GRAMD1B: variants seen among roughly 807,000 people sequenced by gnomAD.
GRAMD1B encodes the protein GRAM domain containing 1B.
GRAMD1B carries 37 observed loss-of-function variants against 99.7 expected under a neutral mutation model. The observed-to-expected ratio is 0.37, with a 90% CI of 0.29 to 0.49. GRAMD1B has a LOEUF of 0.49. Among genes scored for constraint, GRAMD1B ranks in the 20% least tolerant of loss-of-function variants. GRAMD1B has a pLI of 0.98. For synonymous variants in GRAMD1B, 427 were observed against 387.6 expected (o/e 1.10, Z -1.19); for missense variants, 888 against 1,009.2 (o/e 0.88, Z 1.63).
At chr11:123,484,179 G>A (rs1015403097) in intron 2 of GRAMD1B, among the ~76,000 whole-genome samples, 5 of 152,110 alleles carry the variant, frequency 3.3e-5, no homozygotes, top group Non-Finnish European at 7.4e-5. Context: ...TATACTGTCC[G>A]TTTCTGAGCG....
chr11:123,405,588 T>A (rs757157922), intron 1 of GRAMD1B, among the ~76,000 whole-genome samples: 43 of 152,152 alleles, frequency 2.8e-4, no homozygotes, highest in Non-Finnish European at 5.6e-4. Flanking sequence ...TTGCTTGGAC[T>A]GGACTCTTGC....
intron 1 of GRAMD1B, among the ~76,000 whole-genome samples, chr11:123,469,479 G>A (rs1008370145): frequency 2.0e-5 from 3 of 152,056 alleles, no homozygotes; most frequent in Non-Finnish European, 2.9e-5. Flanking sequence ...AAGAAGTAAG[G>A]TCTGTAGGAC....
In GRAMD1B at chr11:123,510,193, G is replaced by T. The variant is rs541151157; in HGVS notation, c.452+29300G>T. 6.6e-6 allele frequency among the ~76,000 whole-genome samples: 1 copy of T among 152,104 alleles called. No homozygotes were observed. The highest frequency in any genetic ancestry group is 1.5e-5 in the Non-Finnish European group (1 of 68,016). On this transcript the variant is annotated intron_variant, in intron 2 of 19. Transcript: ENST00000635736. This position sits in a 1 kb window ranked among gnomAD's most constrained non-coding sequence, Gnocchi z 4.3. ...TTGAGGTTCTCACACCCGCCTGCCC[G>T]CCACCAGCTGCTGACCTTCTCCCTT...
At chr11:123,506,382 A>G (rs76479652) in intron 2 of GRAMD1B, among the ~76,000 whole-genome samples, 2,138 of 152,104 alleles carry the variant, frequency 0.014, 42 homozygotes, top group African/African-American at 0.049. Context: ...GCCTCTTTTC[A>G]AAAGCATGTT....
upstream of GRAMD1B, among the ~76,000 whole-genome samples, chr11:123,426,763 C>T (rs1333407679): frequency 2.0e-5 from 3 of 152,192 alleles, no homozygotes; most frequent in Non-Finnish European, 1.5e-5. Context: ...GTGCCAGCGC[C>T]TTCCAGTTCA....
At chr11:123,607,625 C>CG (rs1324375191) in intron 11 of GRAMD1B, among the ~76,000 whole-genome samples, 1 of 152,220 alleles carries the variant, frequency 6.6e-6, no homozygotes, top group East Asian at 1.9e-4. Context: ...TTCACATAAA[C>CG]TAAGGTGTGA....
At chr11:123,415,188 C>T (rs1181635657) in intron 1 of GRAMD1B, among the ~76,000 whole-genome samples, 6 of 148,054 alleles carry the variant, frequency 4.1e-5, no homozygotes, top group African/African-American at 1.3e-4. Context: ...CTGCAACCTC[C>T]GCCAACCAGG....
chr11:123,546,623 G>A (rs1209145929), intron 2 of GRAMD1B, among the ~76,000 whole-genome samples: 1 of 152,172 alleles, frequency 6.6e-6, no homozygotes, highest in Non-Finnish European at 1.5e-5. Context: ...GGCTGGAAAA[G>A]GGCCATTGGT....
intron 2 of GRAMD1B, chr11:123,560,561 TCCCCGCCCCCGCC>T: frequency 3.8e-6 from 3 of 794,286 alleles, no homozygotes; most frequent in Non-Finnish European, 5.5e-6. Context: ...GGGCCCCCGC[TCCCCGCCCCCGCC>T]CCCCACTGCC....
chr11:123,609,845 G>A lies in GRAMD1B; in HGVS notation c.1708G>A (p.Val570Met). 1 of 1,605,330 alleles carries A rather than the reference G, an allele frequency of 6.2e-7. No individual in the cohort carries two copies. The highest frequency in any genetic ancestry group is 2.2e-5 in the East Asian group (1 of 44,656). The change falls in exon 13 of 20, where the codon GTG (valine) becomes ATG (methionine). Residue 570 changes from valine (V) to methionine (M), a missense_variant. Coordinates refer to ENST00000635736, the MANE Select transcript of GRAMD1B (RefSeq NM_001387025.1). ...GGAGGAGAATGGAAACCAGAGCCGA[G>A]TGATTCTTTACACCATCACCCTTAC... ...KKEENGNQSR[V>M]ILYTITLTNP...
At chr11:123,428,231 G>A (rs1176305907), upstream of GRAMD1B, among the ~76,000 whole-genome samples, 1 of 152,154 alleles carries the variant, frequency 6.6e-6, no homozygotes, top group Non-Finnish European at 1.5e-5. Context: ...ACTCGTCCTT[G>A]GAGGAAGTAC....
chr11:123,484,732 G>A (rs1951793129), intron 2 of GRAMD1B, among the ~76,000 whole-genome samples: 3 of 151,998 alleles, frequency 2.0e-5, no homozygotes, highest in Admixed American at 6.6e-5. Flanking sequence ...TAGCCCTTCC[G>A]AAGAAAGTCT....
intron 1 of GRAMD1B, among the ~76,000 whole-genome samples, chr11:123,414,923 T>G (rs1347359393): frequency 6.6e-6 from 1 of 152,108 alleles, no homozygotes; most frequent in Non-Finnish European, 1.5e-5. Context: ...ACATTGACTC[T>G]CTTTCAGAAG....
intron 1 of GRAMD1B, among the ~76,000 whole-genome samples, chr11:123,377,880 C>T (rs1407073629): frequency 1.3e-5 from 2 of 152,352 alleles, no homozygotes; most frequent in East Asian, 3.9e-4. Flanking sequence ...CCATGCGCTT[C>T]CAGCTGAAAA....
chr11:123,392,291 T>C (rs2135861631), intron 1 of GRAMD1B, among the ~76,000 whole-genome samples: 1 of 151,898 alleles, frequency 6.6e-6, no homozygotes, highest in South Asian at 2.1e-4. Context: ...TCCAGGTTTT[T>C]CTCCTATTTC....
intron 2 of GRAMD1B, among the ~76,000 whole-genome samples, chr11:123,574,861 G>C (rs1360491066): frequency 6.6e-6 from 1 of 152,178 alleles, no homozygotes; most frequent in East Asian, 1.9e-4. Flanking sequence ...CTCACCTTTA[G>C]GGAAGGATTA....
intron 1 of GRAMD1B, among the ~76,000 whole-genome samples, chr11:123,379,760 A>G (rs530588519): frequency 6.6e-6 from 1 of 152,312 alleles, no homozygotes; most frequent in African/African-American, 2.4e-5. Context: ...CCGCCAGACT[A>G]TTTTCCAAAG....
rs150237165 is a variant in GRAMD1B at position 123,416,446 on chromosome 11, A to G, written c.-176+57647A>G. Among the ~76,000 whole-genome samples the G allele has an allele frequency of 1.2e-3, 179 of 152,320 alleles. 1 individual carries two copies. Among genetic ancestry groups the G allele is most frequent in the African/African-American group, 4.2e-3 (175 of 41,564 alleles). On this transcript the variant is annotated intron_variant, in intron 1 of 20. Transcript: ENST00000638157. ...TAATAATGATATGATAAAGATAATG[A>G]TCATAATTATACCAATTGTTACCAT...
chr11:123,375,639 G>A (rs1452201834), intron 1 of GRAMD1B, among the ~76,000 whole-genome samples: 1 of 152,180 alleles, frequency 6.6e-6, no homozygotes, highest in East Asian at 1.9e-4. Flanking sequence ...TAAAGAGGAA[G>A]TTTGGAGAAG....
Sources: allele counts gnomAD v4.1 joint callset (sites outside exome capture counted in the v4.1 genomes callset), GRCh38; gene constraint gnomAD v4.1.1; non-coding constraint Gnocchi (gnomAD v3.1); transcripts MANE v1.5; gene names NCBI Gene and HGNC (gene_info 2026-07-23, HGNC 2026-07-21).